Variants in ACAP2 observed in about 807,000 individuals in gnomAD.
ACAP2 encodes the protein arf-GAP with coiled-coil, ANK repeat and PH domain-containing protein 2.
Under a neutral mutation model 115.8 loss-of-function variants are expected in ACAP2, and 39 were observed. The observed-to-expected ratio is 0.34, with a 90% CI of 0.26 to 0.44. The LOEUF (loss-of-function observed/expected upper bound fraction) is 0.44, where lower values mean the gene tolerates loss of function less well. Among genes scored for constraint, ACAP2 ranks in the 20% least tolerant of loss-of-function variants. The probability of loss-of-function intolerance (pLI) is 1.00; values close to 1 mark genes in which losing one functional copy is unlikely to be tolerated. For missense variants in ACAP2, 662 were observed against 927.6 expected (o/e 0.71, Z 3.72); for synonymous variants, 289 against 315.8 (o/e 0.92, Z 0.90).
At chr3:195,345,423 C>T (rs535620468) in intron 4 of ACAP2, 106 bp from the exon 5 acceptor site, 7 of 669,370 alleles carry the variant, frequency 1.0e-5, no homozygotes, top group Admixed American at 5.5e-5. Context: ...ATTCTAATAC[C>T]GTCTATATCT....
At chr3:195,309,007 C>A (rs77118096) in intron 10 of ACAP2, among the ~76,000 whole-genome samples, 170 bp from the exon 11 acceptor site, 1 of 52,454 alleles carries the variant, frequency 1.9e-5, no homozygotes, top group South Asian at 5.7e-4. Flanking sequence ...GGGAAAACTA[C>A]TGAAAGAACA....
rs112616739 is a variant in ACAP2 at position 195,394,179 on chromosome 3, G to A, written c.54-2032C>T. Reference sequence around the variant, plus strand: ...CTCAAGCTGAATGGCGTACCCTCCCGTGCCCCTCCAGCACCTCACACACAT... The same window carrying A: ...CTCAAGCTGAATGGCGTACCCTCCCATGCCCCTCCAGCACCTCACACACAT... On this transcript the variant is annotated intron_variant, in intron 1 of 22. Transcript: ENST00000326793. Among the ~76,000 whole-genome samples, 117 of 152,170 alleles carry A rather than the reference G, an allele frequency of 7.7e-4. 1 individual carries two copies. Among genetic ancestry groups the A allele is most frequent in the African/African-American group, 2.6e-3 (106 of 41,528 alleles).
chr3:195,436,038 T>C (rs1715512071), intron 1 of ACAP2, among the ~76,000 whole-genome samples: 1 of 151,970 alleles, frequency 6.6e-6, no homozygotes, highest in South Asian at 2.1e-4. Context: ...TGAATATATA[T>C]TTATAGTCAT....
At chr3:195,432,599 G>T (rs181872991) in intron 1 of ACAP2, among the ~76,000 whole-genome samples, 3 of 152,290 alleles carry the variant, frequency 2.0e-5, no homozygotes, top group African/African-American at 7.2e-5. Context: ...TCACTTTGTA[G>T]TAACTTTTGA....
intron 7 of ACAP2, among the ~76,000 whole-genome samples, chr3:195,334,511 A>G (rs1730375315): frequency 6.6e-6 from 1 of 152,222 alleles, no homozygotes; most frequent in African/African-American, 2.4e-5. Flanking sequence ...AAGATGTAAG[A>G]GATGTTATAA....
intron 10 of ACAP2, among the ~76,000 whole-genome samples, chr3:195,312,697 T>A (rs1174602038): frequency 6.6e-6 from 1 of 152,228 alleles, no homozygotes; most frequent in Non-Finnish European, 1.5e-5. Flanking sequence ...AATCTGTATC[T>A]TCTTTGGGTA....
chr3:195,404,925 G>A (rs546683005), intron 1 of ACAP2, among the ~76,000 whole-genome samples: 2 of 151,772 alleles, frequency 1.3e-5, no homozygotes, highest in Admixed American at 6.6e-5. Flanking sequence ...AGCCTCCTGA[G>A]TAGCTGGGAT....
intron 2 of ACAP2, among the ~76,000 whole-genome samples, chr3:195,390,196 CA>C (rs200498374): frequency 6.8e-5 from 10 of 146,376 alleles, no homozygotes; most frequent in Non-Finnish European, 7.6e-5. Context: ...GACTCTGTCT[CA>C]AAAAAAAAAG....
chr3:195,300,614 AC>A (rs1340988086), intron 15 of ACAP2, among the ~76,000 whole-genome samples: 6 of 152,190 alleles, frequency 3.9e-5, no homozygotes, highest in African/African-American at 1.4e-4. Context: ...TGCTGAAACA[AC>A]CCAATGGTGT....
chr3:195,358,389 T>C (rs1172756062), intron 4 of ACAP2, among the ~76,000 whole-genome samples: 2 of 151,958 alleles, frequency 1.3e-5, no homozygotes, highest in Non-Finnish European at 2.9e-5. Flanking sequence ...AAGAACTAAA[T>C]AAGGCACCAG....
In ACAP2 at chr3:195,325,495, C is replaced by G. The variant is rs1307998614; in HGVS notation, c.744+1390G>C. ...TAGGGGCAGAAAAGAGGTCAGTATT[C>G]ATAATAAGCAAAAAATAGCATCATT... On this transcript the variant is annotated intron_variant, in intron 9 of 22. Coordinates refer to ENST00000326793, the MANE Select transcript of ACAP2 (RefSeq NM_012287.6). 1.8e-5 allele frequency: 7 copies of G among 392,598 alleles called. No individual in the cohort carries two copies. The Admixed American group carries it at 2.5e-4, about 14-fold the overall frequency. The allele number at this position is 392,598 out of a possible 1,614,324, so 24.3% of individuals were successfully genotyped here. A position where few individuals can be genotyped will look rare whatever the true frequency, so the allele number is the denominator to read the frequency against.
Position 195,306,581 on chromosome 3 carries a change from C to A in ACAP2, c.1046G>T (p.Arg349Leu). Residue 349 changes from arginine (R) to leucine (L), a missense_variant, in exon 13 of 23, where the codon CGC becomes CTC. By Grantham distance (102) the Arg-to-Leu change is moderately radical. Coordinates refer to ENST00000326793, the MANE Select transcript of ACAP2 (RefSeq NM_012287.6). ...CTGAACAGCCTTAATCCATGCCTGG[C>A]GCAGCTTTTCGGAATCTGCCTGGAG... ...CMLQADSEKL[R>L]QAWIKAVQTS... 6.2e-7 allele frequency: 1 copy of A among 1,612,790 alleles called. No individual in the cohort carries two copies. The highest frequency in any genetic ancestry group is 8.5e-7 in the Non-Finnish European group (1 of 1,179,494).
chr3:195,404,430 A>G (rs1249882605), intron 1 of ACAP2, among the ~76,000 whole-genome samples: 1 of 152,204 alleles, frequency 6.6e-6, no homozygotes, highest in Non-Finnish European at 1.5e-5. Flanking sequence ...TAAATATCCC[A>G]GAAATATAAA....
Position 195,277,933 on chromosome 3 carries a change from T to C in ACAP2, c.*1395A>G, listed in dbSNP as rs1726240000. 1 of 151,946 alleles carries C rather than the reference T, an allele frequency of 6.6e-6. No individual in the cohort carries two copies. Among genetic ancestry groups the C allele is most frequent in the African/African-American group, 2.4e-5 (1 of 41,342 alleles). 9.4% of individuals were successfully genotyped at this position (151,946 alleles called of 1,614,324 possible). A position where few individuals can be genotyped will look rare whatever the true frequency, so the allele number is the denominator to read the frequency against. On this transcript the variant is annotated 3_prime_UTR_variant, in exon 23 of 23. Coordinates refer to ENST00000326793, the MANE Select transcript of ACAP2 (RefSeq NM_012287.6). ...CCGTCTTTACTAAAAATATAGAAAT[T>C]AGCTCGGAATGGTGGCGGGTGCCTG...
At chr3:195,382,131 T>C (rs1733985933) in intron 2 of ACAP2, 109 bp from the exon 3 acceptor site, 5 of 1,008,014 alleles carry the variant, frequency 5.0e-6, no homozygotes, top group Non-Finnish European at 7.3e-6. Context: ...GTTCAATTTG[T>C]TTCATCGATA....
In ACAP2 at chr3:195,292,730, T is replaced by C. The variant is rs1463746300; in HGVS notation, c.1766-278A>G. 5.3e-5 allele frequency among the ~76,000 whole-genome samples: 8 copies of C among 151,962 alleles called. 1 individual carries two copies. Among genetic ancestry groups the C allele is most frequent in the South Asian group, 4.2e-4 (2 of 4,806 alleles). Reference sequence around the variant, plus strand: ...TGAGGTCAGGAGTTTGAAACTAGCCTGGCCAACATGGTGAAACCTCGTCTT... The same window carrying C: ...TGAGGTCAGGAGTTTGAAACTAGCCCGGCCAACATGGTGAAACCTCGTCTT... On this transcript the variant is annotated intron_variant, in intron 18 of 22. Transcript: ENST00000326793.
chr3:195,430,824 A>G (rs1366079026), intron 1 of ACAP2, among the ~76,000 whole-genome samples: 1 of 152,120 alleles, frequency 6.6e-6, no homozygotes, highest in Non-Finnish European at 1.5e-5. Flanking sequence ...CTCAACATGT[A>G]TTTTCTATTC....
intron 2 of ACAP2, among the ~76,000 whole-genome samples, chr3:195,387,934 T>C (rs1259246448): frequency 6.6e-6 from 1 of 152,212 alleles, no homozygotes; most frequent in Admixed American, 6.5e-5. Flanking sequence ...ATTTTCCCCA[T>C]TTTGGAGAGA....
chr3:195,380,514 T>C (rs997600790), intron 4 of ACAP2, among the ~76,000 whole-genome samples: 5 of 152,186 alleles, frequency 3.3e-5, no homozygotes, highest in African/African-American at 1.2e-4. Context: ...CAAAGTAATA[T>C]ATATCCCTCA....
Sources: gnomAD v4.1 joint callset for allele counts (sites outside exome capture counted in the v4.1 genomes callset) on GRCh38, gnomAD v4.1.1 for gene constraint, MANE v1.5 for transcripts, NCBI Gene and HGNC (gene_info 2026-07-23, HGNC 2026-07-21) for gene names.